Variants in SFI1 observed in about 807,000 individuals in gnomAD.
SFI1 encodes the protein SFI1 centrin binding protein.
SFI1 carries 195 observed loss-of-function variants against 207.5 expected under a neutral mutation model. The observed-to-expected ratio is 0.94, with a 90% CI of 0.84 to 1.06. SFI1 has a LOEUF of 1.06. SFI1 is among the 50% of genes least tolerant of loss of function. SFI1 has a pLI of 0.00. For missense variants in SFI1, 1,634 were observed against 1,588.0 expected (o/e 1.03, Z -0.49); for synonymous variants, 630 against 598.9 (o/e 1.05, Z -0.76).
intron 4 of SFI1, among the ~76,000 whole-genome samples, chr22:31,542,622 C>G (rs2059663007): frequency 6.6e-6 from 1 of 151,946 alleles, no homozygotes. Context: ...GAGGGAAACT[C>G]TGTCTCAAAA....
intron 2 of SFI1, among the ~76,000 whole-genome samples, chr22:31,520,770 A>G (rs1265003586): frequency 1.3e-5 from 2 of 151,496 alleles, no homozygotes; most frequent in African/African-American, 4.8e-5. Context: ...TTGAGGTGGG[A>G]GGATTCCTTG....
In SFI1 at chr22:31,618,373, C is replaced by T. The variant is rs201305299; in HGVS notation, c.3684C>T (p.Gly1228=). ...TCCAGGCTCAGCGCCAGCCCATTGG[C>T]GCCTGCGTTGCCCGCATCCAGGCCC... The part of the protein sequence containing the change: ...EELQAQRQPI[G]ACVARIQALR... Residue 1228 remains glycine, a synonymous_variant, in exon 33 of 33, where the codon GGC becomes GGT. Coordinates refer to ENST00000400288, the MANE Select transcript of SFI1 (RefSeq NM_001007467.3). 76 of 1,606,774 alleles carry T rather than the reference C, an allele frequency of 4.7e-5. No homozygotes were observed. In the East Asian group the frequency reaches 1.4e-3, roughly 30 times the overall value.
At chr22:31,579,118 C>G (rs970354020) in intron 11 of SFI1, among the ~76,000 whole-genome samples, 1 of 152,002 alleles carries the variant, frequency 6.6e-6, no homozygotes, top group Non-Finnish European at 1.5e-5. Context: ...TGCCACCAGG[C>G]CCAGTGTTGA....
At chr22:31,582,016 A>C (rs1052019150) in intron 12 of SFI1, among the ~76,000 whole-genome samples, 1 of 151,194 alleles carries the variant, frequency 6.6e-6, no homozygotes, top group African/African-American at 2.4e-5. Flanking sequence ...TCAACATTCA[A>C]ATTTCCATAG....
At chr22:31,553,416 C>T (rs374808164) in intron 6 of SFI1, among the ~76,000 whole-genome samples, 3 of 151,384 alleles carry the variant, frequency 2.0e-5, no homozygotes, top group African/African-American at 4.8e-5. Flanking sequence ...AGTGCAGTGG[C>T]GCAATCTCGG....
At chr22:31,566,120 A>ATTTTTTTTTTTTTTTT (rs59506981) in intron 8 of SFI1, among the ~76,000 whole-genome samples, 1 of 139,488 alleles carries the variant, frequency 7.2e-6, no homozygotes. Flanking sequence ...TTCTTTTTCT[A>ATTTTTTTTTTTTTTTT]TTTTTTTTTT....
chr22:31,560,229 C>G (rs2061547213), intron 7 of SFI1, among the ~76,000 whole-genome samples: 3 of 151,336 alleles, frequency 2.0e-5, no homozygotes, highest in Non-Finnish European at 2.9e-5. Context: ...CCCCATGACT[C>G]TTTTCCTAGA....
At chr22:31,609,844 C>T (rs889911238) in intron 22 of SFI1, among the ~76,000 whole-genome samples, 5 of 152,244 alleles carry the variant, frequency 3.3e-5, no homozygotes, top group Non-Finnish European at 5.9e-5. Context: ...GGCACCTGAC[C>T]GTGCAGCTTC....
At chr22:31,512,144 C>T (rs1023759255) in intron 2 of SFI1, among the ~76,000 whole-genome samples, 8 of 152,000 alleles carry the variant, frequency 5.3e-5, no homozygotes, top group Middle Eastern at 3.2e-3. Context: ...TCATCTGAGG[C>T]CAGGAGTTTG....
intron 1 of SFI1, among the ~76,000 whole-genome samples, chr22:31,505,833 G>A (rs1490985266): frequency 1.3e-5 from 2 of 152,076 alleles, no homozygotes; most frequent in Non-Finnish European, 2.9e-5. Context: ...GCAGTGAGCC[G>A]TGATGGTGCC....
Position 31,525,717 on chromosome 22 carries a change from C to CATAGATAG in SFI1, c.93-2929_93-2922dup, listed in dbSNP as rs71722302. Among the ~76,000 whole-genome samples the CATAGATAG allele has an allele frequency of 3.1e-3, 466 of 148,724 alleles. 1 individual carries two copies. The highest frequency in any genetic ancestry group is 0.011 in the Admixed American group (164 of 14,634). On this transcript the variant is annotated intron_variant, in intron 2 of 32. Transcript: ENST00000400288. ...GGCAACAGAATGAGACTCTGTCATTCATAGATAGATAGATAGATAGATAGA... is the reference window on the plus strand; with the variant it reads ...GGCAACAGAATGAGACTCTGTCATTCATAGATAGATAGATAGATAGATAGATAGATAGA...
intron 4 of SFI1, 101 bp downstream of exon 4, chr22:31,531,230 A>G (rs978901096): frequency 1.1e-6 from 1 of 914,594 alleles, no homozygotes; most frequent in Non-Finnish European, 1.7e-6. Context: ...GTGCTGTTAC[A>G]TTCCTCCCCA....
At chr22:31,616,978 A>G (rs769396869) in intron 30 of SFI1, 22 bp from the exon 31 acceptor site, 2 of 1,613,960 alleles carry the variant, frequency 1.2e-6, no homozygotes, top group Admixed American at 3.3e-5. Flanking sequence ...AGTCTGAAAC[A>G]AGCTTACTTC....
In SFI1 at chr22:31,568,078, A is replaced by G. The variant is rs75506644; in HGVS notation, c.766-4980A>G. Among the ~76,000 whole-genome samples the G allele has an allele frequency of 3.0e-3, 450 of 152,134 alleles. 1 individual carries two copies. Among genetic ancestry groups the G allele is most frequent in the African/African-American group, 0.011 (438 of 41,528 alleles). ...TTAGGAATAAAGATCTTCAATAGAA[A>G]AGAAAAGATTACAAGTATAAAAAGC... On this transcript the variant is annotated intron_variant, in intron 8 of 32. Coordinates refer to ENST00000400288, the MANE Select transcript of SFI1 (RefSeq NM_001007467.3).
chr22:31,585,046 G>A (rs2064840812), intron 13 of SFI1, 22 bp from the exon 14 acceptor site: 1 of 1,609,180 alleles, frequency 6.2e-7, no homozygotes, highest in East Asian at 2.2e-5. Context: ...GAAACCTGAA[G>A]GTGTTCTTCC....
rs181651860 is a variant in SFI1, at chr22:31,550,636, C to T, written c.544+288C>T. On this transcript the variant is annotated intron_variant, in intron 6 of 32. Transcript: ENST00000400288. Reference sequence around the variant, plus strand: ...TGCTGGTTCAGTGGGCTGGCTGTGACTCTCCTGTGGCACCTGGGGCTGCCA... The same window carrying T: ...TGCTGGTTCAGTGGGCTGGCTGTGATTCTCCTGTGGCACCTGGGGCTGCCA... 2.0e-3 allele frequency: 648 copies of T among 323,560 alleles called. 2 individuals carry two copies. The highest frequency in any genetic ancestry group is 0.012 in the African/African-American group (565 of 46,896). 20.0% of individuals were successfully genotyped at this position (323,560 alleles called of 1,614,324 possible). A position where few individuals can be genotyped will look rare whatever the true frequency, so the allele number is the denominator to read the frequency against.
At chr22:31,599,343 A>G (rs2067726692) in intron 15 of SFI1, among the ~76,000 whole-genome samples, 1 of 148,194 alleles carries the variant, frequency 6.7e-6, no homozygotes, top group South Asian at 2.1e-4. Flanking sequence ...TTTTTTTGAG[A>G]CAGAATCTCG....
In SFI1 at chr22:31,615,072, C is replaced by G. The variant is rs1257620506; in HGVS notation, c.3093C>G (p.Gly1031=). The part of the protein sequence containing the change: ...SQRPQKPQEH[G]LGMAQPAAPS... ...GGCCTCAGAAGCCACAGGAACATGG[C>G]CTAGGCATGGCTCAGCCAGCAGCCC... The change falls in exon 29 of 33, where the codon GGC becomes GGG. Residue 1031 remains glycine (G), a synonymous_variant. Transcript: ENST00000400288. The G allele has an allele frequency of 6.2e-7, 1 of 1,609,446 alleles. No individual in the cohort carries two copies. Among genetic ancestry groups the G allele is most frequent in the East Asian group, 2.2e-5 (1 of 44,834 alleles).
chr22:31,559,869 G>A (rs908149164), intron 7 of SFI1: 10 of 669,626 alleles, frequency 1.5e-5, no homozygotes, highest in African/African-American at 1.8e-5. Flanking sequence ...TGGGGCCTTC[G>A]TGTCCGAGGC....
Sources: gnomAD v4.1 joint callset for allele counts (sites outside exome capture counted in the v4.1 genomes callset) on GRCh38, gnomAD v4.1.1 for gene constraint, MANE v1.5 for transcripts, NCBI Gene and HGNC (gene_info 2026-07-23, HGNC 2026-07-21) for gene names.